The following YPEL2 variants were observed in gnomAD, a reference collection of about 807,000 sequenced individuals.
The protein encoded by YPEL2 is yippee like 2, also known as protein yippee-like 2.
A neutral mutation model predicts 19.1 loss-of-function variants in YPEL2; 2 were observed. The ratio of observed to expected loss-of-function variants is 0.10; its 90% CI spans 0.04 to 0.33. YPEL2 has a LOEUF of 0.33. Ranked by LOEUF, YPEL2 falls within the 10% of genes least tolerant of loss-of-function variation. The pLI is 1.00. For missense variants in YPEL2, 66 were observed against 140.7 expected, an observed-to-expected ratio of 0.47 and a Z score of 2.68; for synonymous variants, 52 against 50.0, an observed-to-expected ratio of 1.04 and a Z score of -0.17.
intron 1 of YPEL2, among the ~76,000 whole-genome samples, chr17:59,340,903 C>T (rs1598024907): frequency 6.7e-6 from 1 of 149,544 alleles, no homozygotes. Flanking sequence ...TTAGTAGAGA[C>T]GGGGTTTCGC....
rs1246137516 is a variant in YPEL2 at position 59,353,465 on chromosome 17, G to C, written c.56G>C (p.Arg19Pro). Reference sequence around the variant, plus strand: ...CAGGCATATCTGCCCTCCTGCCACCGGACCTACAGCTGCATTCACTGCAGA... The same window carrying C: ...CAGGCATATCTGCCCTCCTGCCACCCGACCTACAGCTGCATTCACTGCAGA... ...TFQAYLPSCH[R>P]TYSCIHCRAH... The change falls in exon 2 of 5, where the codon CGG becomes CCG. Residue 19 changes from arginine to proline, a missense_variant. Arg to Pro is a moderately radical substitution (Grantham distance 103, BLOSUM62 -2). Transcript: ENST00000312655. The surrounding 1 kb of genome is among the most constrained non-coding windows in gnomAD (Gnocchi z 4.8). The C allele has an allele frequency of 6.2e-7, 1 of 1,613,158 alleles. No homozygotes were observed. Among genetic ancestry groups the C allele is most frequent in the African/African-American group, 1.3e-5 (1 of 75,022 alleles).
intron 4 of YPEL2, among the ~76,000 whole-genome samples, chr17:59,391,438 CAT>C (rs969082397): frequency 1.3e-5 from 2 of 151,902 alleles, no homozygotes; most frequent in Non-Finnish European, 2.9e-5. Flanking sequence ...TATTTACACA[CAT>C]ATAAAATAAT....
chr17:59,337,257 G>GCAA (rs1245546731), intron 1 of YPEL2, among the ~76,000 whole-genome samples: 30 of 147,822 alleles, frequency 2.0e-4, no homozygotes, highest in African/African-American at 7.1e-4. Flanking sequence ...GTGCAATCTC[G>GCAA]GCTCACTGCA....
At chr17:59,368,012 C>T (rs1481815583) in intron 2 of YPEL2, among the ~76,000 whole-genome samples, 1 of 152,176 alleles carries the variant, frequency 6.6e-6, no homozygotes, top group Non-Finnish European at 1.5e-5. Context: ...TCCCTCATCA[C>T]CCTGCATATA....
At chr17:59,394,106 C>G (rs1330968625) in intron 4 of YPEL2, among the ~76,000 whole-genome samples, 5 of 151,828 alleles carry the variant, frequency 3.3e-5, no homozygotes, top group Non-Finnish European at 7.4e-5. Flanking sequence ...AGAGGAGCCC[C>G]TCACCTCCCG....
At position 59,400,897 on chromosome 17, in the gene YPEL2, AC is replaced by A. The variant is rs1274511605; in HGVS notation, c.*3708del. 6.6e-6 allele frequency: 1 copy of A among 152,598 alleles called. No individual in the cohort carries two copies. Among genetic ancestry groups the A allele is most frequent in the African/African-American group, 2.4e-5 (1 of 41,444 alleles). 9.5% of individuals were successfully genotyped at this position (152,598 alleles called of 1,614,324 possible). ...TCTGAGTGGACCAACAGCAGAACCC[AC>A]GAGGATTTGTTTTGAGTATGGAGCT... On this transcript the variant is annotated 3_prime_UTR_variant, in exon 5 of 5. Transcript: ENST00000312655.
At chr17:59,373,507 G>C (rs2147949407) in intron 2 of YPEL2, among the ~76,000 whole-genome samples, 1 of 152,248 alleles carries the variant, frequency 6.6e-6, no homozygotes, top group South Asian at 2.1e-4. Context: ...GATTTATACT[G>C]CTTTAGACTT....
chr17:59,347,316 A>G (rs2147937347), intron 1 of YPEL2, among the ~76,000 whole-genome samples: 1 of 151,804 alleles, frequency 6.6e-6, no homozygotes, highest in South Asian at 2.1e-4. Context: ...TTTTCTTTTT[A>G]GGGTTTCACT....
At chr17:59,345,943 C>T (rs980894515) in intron 1 of YPEL2, among the ~76,000 whole-genome samples, 1 of 152,120 alleles carries the variant, frequency 6.6e-6, no homozygotes, top group Non-Finnish European at 1.5e-5. Context: ...AGAACCAAGA[C>T]GGAATCCAGG....
chr17:59,370,128 C>T (rs958154153), intron 2 of YPEL2, among the ~76,000 whole-genome samples: 1 of 152,216 alleles, frequency 6.6e-6, no homozygotes, highest in African/African-American at 2.4e-5. Flanking sequence ...GCGATCTGGG[C>T]TCACTGCAAG....
rs1056985468 is a variant in YPEL2 at position 59,372,642 on chromosome 17, G to T, written c.118-15685G>T. ...AGTAAGGAAATATTTGTGCATTGAA[G>T]AGTGATAAGAATGCCCTGTGTTTAG... On this transcript the variant is annotated intron_variant, in intron 2 of 4. Transcript: ENST00000312655. Among the ~76,000 whole-genome samples, 10 of 152,300 alleles carry T rather than the reference G, an allele frequency of 6.6e-5. 1 individual carries two copies. The highest frequency in any genetic ancestry group is 3.9e-4 in the East Asian group (2 of 5,182).
intron 2 of YPEL2, among the ~76,000 whole-genome samples, chr17:59,360,502 A>G (rs1169876055): frequency 2.0e-5 from 3 of 152,248 alleles, no homozygotes; most frequent in Non-Finnish European, 2.9e-5. Context: ...GTTGGCTTTT[A>G]TAAAGAGAAT....
Position 59,353,671 on chromosome 17 carries a change from C to G in YPEL2, c.117+145C>G. 4.2e-6 allele frequency: 3 copies of G among 718,872 alleles called. No individual in the cohort carries two copies. Among genetic ancestry groups the G allele is most frequent in the Non-Finnish European group, 7.6e-6 (3 of 394,740 alleles). The allele number at this position is 718,872 out of a possible 1,614,324, so 44.5% of individuals were successfully genotyped here. ...TGACCCACGTGACCGTCTCACTCAA[C>G]TGAGAAAAACTCTGAGTTGGAGGGA... On this transcript the variant is annotated intron_variant, in intron 2 of 4. Transcript: ENST00000312655. This position sits in a 1 kb window ranked among gnomAD's most constrained non-coding sequence, Gnocchi z 4.8.
chr17:59,379,173 G>T (rs2047936661), intron 2 of YPEL2, among the ~76,000 whole-genome samples: 2 of 152,122 alleles, frequency 1.3e-5, no homozygotes, highest in South Asian at 4.1e-4. Flanking sequence ...GTTGCACTCG[G>T]GTTCTAATTC....
intron 2 of YPEL2, among the ~76,000 whole-genome samples, chr17:59,378,280 G>A (rs1301445619): frequency 6.7e-6 from 1 of 149,794 alleles, no homozygotes; most frequent in Non-Finnish European, 1.5e-5. Context: ...GGCCCAGTTT[G>A]TGTAGGTCAA....
Position 59,371,079 on chromosome 17 carries a change from C to T in YPEL2, c.118-17248C>T, listed in dbSNP as rs146734290. On this transcript the variant is annotated intron_variant, in intron 2 of 4. Coordinates refer to ENST00000312655, the MANE Select transcript of YPEL2 (RefSeq NM_001005404.4). The stretch of plus-strand genomic sequence containing the variant: ...CCTGTGAAGCACAGGCCTGTCTAGT[C>T]GGTCCCTTCCTCCCTGGCCTGCTGG... Among the ~76,000 whole-genome samples the T allele has an allele frequency of 3.9e-3, 595 of 152,266 alleles. 3 individuals are homozygous for T. The highest frequency in any genetic ancestry group is 0.013 in the African/African-American group (551 of 41,572).
intron 2 of YPEL2, chr17:59,363,365 T>C (rs1364762755): frequency 6.6e-6 from 1 of 152,390 alleles, no homozygotes; most frequent in East Asian, 1.9e-4. Context: ...TGCAGTGCAG[T>C]GGCGTGATCT....
At chr17:59,340,301 G>A (rs1285381464) in intron 1 of YPEL2, among the ~76,000 whole-genome samples, 1 of 152,034 alleles carries the variant, frequency 6.6e-6, no homozygotes, top group Non-Finnish European at 1.5e-5. Flanking sequence ...TAGAGACAGG[G>A]TTTCACTACG....
intron 1 of YPEL2, among the ~76,000 whole-genome samples, chr17:59,348,775 G>A (rs1309307020): frequency 1.3e-5 from 2 of 152,170 alleles, no homozygotes; most frequent in South Asian, 2.1e-4. Flanking sequence ...CCACAGTTAT[G>A]TTCTATGAGT....
Sources: allele counts gnomAD v4.1 joint callset (sites outside exome capture counted in the v4.1 genomes callset), GRCh38; gene constraint gnomAD v4.1.1; non-coding constraint Gnocchi (gnomAD v3.1); transcripts MANE v1.5; gene names NCBI Gene and HGNC (gene_info 2026-07-23, HGNC 2026-07-21).